MAT2B: variants seen among roughly 807,000 people sequenced by gnomAD.
MAT2B encodes the protein methionine adenosyltransferase 2 non-catalytic beta subunit, also known as methionine adenosyltransferase 2 subunit beta.
MAT2B carries 16 observed loss-of-function variants against 36.1 expected under a neutral mutation model. The observed-to-expected ratio is 0.44, with a 90% CI of 0.30 to 0.67. The LOEUF (loss-of-function observed/expected upper bound fraction) is 0.67. Ranked by LOEUF, MAT2B falls within the 30% of genes least tolerant of loss-of-function variation. MAT2B has a pLI of 0.09. For missense variants in MAT2B, 332 were observed against 398.2 expected, an observed-to-expected ratio of 0.83 and a Z score of 1.42; for synonymous variants, 148 against 136.9, an observed-to-expected ratio of 1.08 and a Z score of -0.57.
chr5:163,518,507 GA>G lies in MAT2B; in HGVS notation c.*147del. ...AGGTAAATGATGCTCTTGCACTAGT[GA>G]AATTGTCTAAAGAAACTAAAGGGCA... On this transcript the variant is annotated 3_prime_UTR_variant, in exon 7 of 7. Coordinates refer to ENST00000321757, the MANE Select transcript of MAT2B (RefSeq NM_013283.5). 2 of 618,468 alleles carry G rather than the reference GA, an allele frequency of 3.2e-6. No individual in the cohort carries two copies. Among genetic ancestry groups the G allele is most frequent in the Non-Finnish European group, 5.1e-6 (2 of 389,808 alleles). The allele number at this position is 618,468 out of a possible 1,614,324, so 38.3% of individuals were successfully genotyped here.
Position 163,513,650 on chromosome 5 carries a change from G to A in MAT2B, c.354G>A (p.Gly118=), listed in dbSNP as rs1160511594. The A allele has an allele frequency of 6.2e-7, 1 of 1,612,898 alleles. No individual in the cohort carries two copies. Among genetic ancestry groups the A allele is most frequent in the African/African-American group, 1.3e-5 (1 of 74,860 alleles). ...CTCAACTTAATGTGGATGCTTCTGG[G>A]AATTTAGCAAAGGAAGCAGGTAATG... ...AASQLNVDAS[G]NLAKEAAAVG... is the part of the protein sequence containing the mutation. The change falls in exon 3 of 7, where the codon GGG becomes GGA. Residue 118 remains glycine, a synonymous_variant. Coordinates refer to ENST00000321757, the MANE Select transcript of MAT2B (RefSeq NM_013283.5).
chr5:163,503,902 A>G (rs970708313), upstream of MAT2B, among the ~76,000 whole-genome samples: 1 of 152,224 alleles, frequency 6.6e-6, no homozygotes, highest in African/African-American at 2.4e-5. Flanking sequence ...ATCATTAAAG[A>G]AAATGATTAA....
chr5:163,513,508 C>G (rs1354795797), intron 2 of MAT2B, 47 bp from the exon 3 acceptor site: 12 of 1,126,594 alleles, frequency 1.1e-5, no homozygotes, highest in African/African-American at 1.5e-5. Flanking sequence ...TGTAATACCT[C>G]TTTCATTTTA....
chr5:163,515,667 A>G (rs1338770162), intron 4 of MAT2B, among the ~76,000 whole-genome samples: 1 of 151,584 alleles, frequency 6.6e-6, no homozygotes, highest in Non-Finnish European at 1.5e-5. Context: ...AGTTGTCATG[A>G]TAAGTTTTAT....
At chr5:163,510,698 A>AT (rs964461731) in intron 1 of MAT2B, among the ~76,000 whole-genome samples, 3 of 152,122 alleles carry the variant, frequency 2.0e-5, no homozygotes. Flanking sequence ...CACCTGGCCA[A>AT]TTTTAACTCT....
At chr5:163,512,838 A>G (rs1381564216) in intron 2 of MAT2B, 3 of 333,186 alleles carry the variant, frequency 9.0e-6, no homozygotes, top group Non-Finnish European at 1.7e-5. Context: ...GCGCAACCAC[A>G]CCTGGCTAAT....
chr5:163,504,251 A>G (rs999514832), upstream of MAT2B, among the ~76,000 whole-genome samples: 7 of 152,094 alleles, frequency 4.6e-5, no homozygotes, highest in South Asian at 2.1e-4. Flanking sequence ...TCCCCTGATT[A>G]TGCTTGTTTA....
upstream of MAT2B, chr5:163,505,492 C>T (rs1390150231): frequency 2.4e-6 from 3 of 1,231,742 alleles, no homozygotes; most frequent in African/African-American, 1.6e-5. Context: ...ACCGCGCGTA[C>T]CCGCCCTCTT....
intron 1 of MAT2B, among the ~76,000 whole-genome samples, chr5:163,506,491 T>G (rs1759941112): frequency 6.6e-6 from 1 of 152,158 alleles, no homozygotes; most frequent in Admixed American, 6.5e-5. Context: ...CCTCCAGCAT[T>G]AATCTGTCCA....
At chr5:163,514,038 T>C in intron 4 of MAT2B, 44 bp downstream of exon 4, 3 of 1,527,014 alleles carry the variant, frequency 2.0e-6, no homozygotes, top group Non-Finnish European at 2.7e-6. Flanking sequence ...TTGAAGACTT[T>C]AAAAATCATT....
upstream of MAT2B, chr5:163,503,571 CATGGA>C (rs1228801964): frequency 3.8e-6 from 3 of 790,776 alleles, no homozygotes; most frequent in African/African-American, 5.2e-5. Flanking sequence ...AACCTCGGGA[CATGGA>C]AGAATAAGCC....
rs1760057463 is a variant in MAT2B, at chr5:163,512,195, A to G, written c.257A>G (p.Gln86Arg). Residue 86 changes from glutamine (Q) to arginine (R), a missense_variant and splice_region_variant, in exon 2 of 7, where the codon CAG becomes CGG. Transcript: ENST00000321757. ...GTTCATCACATCATTCATGATTTTCAGGTATGATTTAGGTTATTTTAAGAT... is the reference window on the plus strand; with the variant it reads ...GTTCATCACATCATTCATGATTTTCGGGTATGATTTAGGTTATTTTAAGAT... ...NAVHHIIHDF[Q>R]PHVIVHCAAE... 6.2e-7 allele frequency: 1 copy of G among 1,612,166 alleles called. No individual in the cohort carries two copies. The highest frequency in any genetic ancestry group is 8.5e-7 in the Non-Finnish European group (1 of 1,178,216).
At chr5:163,510,309 G>T (rs902111953) in intron 1 of MAT2B, among the ~76,000 whole-genome samples, 1 of 142,704 alleles carries the variant, frequency 7.0e-6, no homozygotes, top group Non-Finnish European at 1.6e-5. Flanking sequence ...TTTCATTTCT[G>T]TGTGTAATAA....
intron 4 of MAT2B, among the ~76,000 whole-genome samples, chr5:163,515,897 G>C (rs1760126429): frequency 6.8e-6 from 1 of 147,280 alleles, no homozygotes; most frequent in African/African-American, 2.5e-5. Flanking sequence ...ACCACGAACG[G>C]CTAATTTTTT....
chr5:163,516,982 A>G, intron 5 of MAT2B: 1 of 558,778 alleles, frequency 1.8e-6, no homozygotes, highest in Non-Finnish European at 3.2e-6. Context: ...TAATCATCTA[A>G]GGTCTTTTAA....
Position 163,516,603 on chromosome 5 carries a change from G to A in MAT2B, c.612G>A (p.Val204=), listed in dbSNP as rs1271158409. ...CTGTGACTGTTATGTTTGATAAAGT[G>A]CAGTTCAGCAACAAGTCAGCAAACA... ...ESAVTVMFDK[V]QFSNKSANMD... The change falls in exon 5 of 7, where the codon GTG becomes GTA. Residue 204 remains valine (V), a synonymous_variant. Transcript: ENST00000321757. 6.2e-7 allele frequency: 1 copy of A among 1,614,060 alleles called. No homozygotes were observed. The highest frequency in any genetic ancestry group is 8.5e-7 in the Non-Finnish European group (1 of 1,180,016).
chr5:163,503,788 C>T (rs1759885644), upstream of MAT2B, among the ~76,000 whole-genome samples: 1 of 152,186 alleles, frequency 6.6e-6, no homozygotes, highest in Non-Finnish European at 1.5e-5. Context: ...GCTAACATAA[C>T]TTTTAGTTTC....
chr5:163,516,781 G>C, intron 5 of MAT2B, 70 bp downstream of exon 5: 1 of 1,542,648 alleles, frequency 6.5e-7, no homozygotes, highest in Non-Finnish European at 8.9e-7. Context: ...AACTTTCACA[G>C]CTGTACTTGG....
intron 5 of MAT2B, 84 bp downstream of exon 5, chr5:163,516,795 G>T: frequency 6.8e-7 from 1 of 1,470,712 alleles, no homozygotes. Context: ...TACTTGGAGT[G>T]TTACTGAGTG....
Sources: gnomAD v4.1 joint callset for allele counts (sites outside exome capture counted in the v4.1 genomes callset) on GRCh38, gnomAD v4.1.1 for gene constraint, MANE v1.5 for transcripts, NCBI Gene and HGNC (gene_info 2026-07-23, HGNC 2026-07-21) for gene names.